PRDX1: variants seen among roughly 807,000 people sequenced by gnomAD.
PRDX1 encodes the protein peroxiredoxin-1.
PRDX1 carries 19 observed loss-of-function variants against 20.7 expected under a neutral mutation model. The ratio of observed to expected loss-of-function variants is 0.92; its 90% CI spans 0.64 to 1.35. The LOEUF is 1.35. Ranked by LOEUF, PRDX1 falls within the 40% of genes most tolerant of loss-of-function variation. The pLI, the probability that PRDX1 is intolerant of heterozygous loss-of-function variation, is 0.00. For missense variants in PRDX1, 226 were observed against 240.0 expected (o/e 0.94, Z 0.38); for synonymous variants, 89 against 83.9 (o/e 1.06, Z -0.33).
chr1:45,515,125 A>C, intron 3 of PRDX1, 130 bp from the exon 4 acceptor site: 2 of 1,312,874 alleles, frequency 1.5e-6, no homozygotes, highest in Non-Finnish European at 2.1e-6. Context: ...TTCCAGCAAT[A>C]AAGTGAATGC....
intron 5 of PRDX1, chr1:45,512,629 C>G (rs1036997117): frequency 6.6e-6 from 1 of 151,924 alleles, no homozygotes; most frequent in Admixed American, 6.5e-5. Context: ...CAGAGACCAA[C>G]AGAGTCTGAA....
At chr1:45,517,207 G>A (rs1025128538) in intron 2 of PRDX1, among the ~76,000 whole-genome samples, 1 of 152,044 alleles carries the variant, frequency 6.6e-6, no homozygotes, top group Non-Finnish European at 1.5e-5. Context: ...ATACCCCTGG[G>A]CCCAGGTCAC....
intron 2 of PRDX1, among the ~76,000 whole-genome samples, chr1:45,517,921 G>T (rs1027507808): frequency 3.5e-5 from 5 of 141,722 alleles, no homozygotes; most frequent in Non-Finnish European, 6.2e-5. Flanking sequence ...TGATATATAC[G>T]TGACCCAAAC....
intron 2 of PRDX1, 88 bp from the exon 3 acceptor site, chr1:45,515,895 C>A: frequency 7.7e-7 from 1 of 1,303,534 alleles, no homozygotes; most frequent in Non-Finnish European, 1.0e-6. Context: ...AAGTTGATGG[C>A]TGACACAATA....
chr1:45,511,378 A>C lies in PRDX1; in HGVS notation c.551T>G (p.Ile184Ser). The change falls in exon 6 of 6, where the codon ATC becomes AGC. Residue 184 changes from isoleucine to serine, a missense_variant. Ile to Ser is a moderately radical substitution (Grantham distance 142). Transcript: ENST00000319248. ...TTTGCTCTTTTGGACATCAGGCTTGATGGTATCACTGCCAGGTTTCCAGCC... is the reference window on the plus strand; with the variant it reads ...TTTGCTCTTTTGGACATCAGGCTTGCTGGTATCACTGCCAGGTTTCCAGCC... ...PAGWKPGSDT[I>S]KPDVQKSKEY... 1.9e-6 allele frequency: 3 copies of C among 1,613,260 alleles called. No homozygotes were observed. The highest frequency in any genetic ancestry group is 1.1e-5 in the South Asian group (1 of 90,880).
chr1:45,517,353 C>A (rs1643870609), intron 2 of PRDX1, among the ~76,000 whole-genome samples: 1 of 152,188 alleles, frequency 6.6e-6, no homozygotes, highest in South Asian at 2.1e-4. Context: ...GAAAAGGACA[C>A]TTGACACCTG....
chr1:45,513,554 A>G (rs914020787), intron 5 of PRDX1, among the ~76,000 whole-genome samples: 8 of 152,156 alleles, frequency 5.3e-5, no homozygotes, highest in Non-Finnish European at 8.8e-5. Context: ...TCTGTGTAGA[A>G]AGAAGTAGAC....
intron 5 of PRDX1, among the ~76,000 whole-genome samples, chr1:45,514,068 CA>C (rs1643809822): frequency 6.6e-6 from 1 of 152,190 alleles, no homozygotes; most frequent in South Asian, 2.1e-4. Context: ...TCTACTGAGA[CA>C]GGGGAAAACC....
chr1:45,522,118 C>G (rs924197476), upstream of PRDX1, among the ~76,000 whole-genome samples: 1 of 152,184 alleles, frequency 6.6e-6, no homozygotes, highest in African/African-American at 2.4e-5. Flanking sequence ...TGTGGCCGCT[C>G]CCGAACCCGA....
intron 3 of PRDX1, 56 bp from the exon 4 acceptor site, chr1:45,515,051 A>T (rs989799900): frequency 6.3e-7 from 1 of 1,591,730 alleles, no homozygotes; most frequent in Non-Finnish European, 8.6e-7. Flanking sequence ...GACTGTACGC[A>T]TTCCTCTTTC....
At chr1:45,517,644 T>C (rs1455051096) in intron 2 of PRDX1, among the ~76,000 whole-genome samples, 1 of 152,036 alleles carries the variant, frequency 6.6e-6, no homozygotes, top group African/African-American at 2.4e-5. Context: ...TAGCCAAGCA[T>C]GGTTGCGGGC....
intron 4 of PRDX1, 75 bp from the exon 5 acceptor site, chr1:45,514,712 T>C: frequency 6.3e-7 from 1 of 1,593,430 alleles, no homozygotes; most frequent in Non-Finnish European, 8.6e-7. Context: ...GCTTGAAGCC[T>C]GAAGGAAATG....
At position 45,514,537 on chromosome 1, in the gene PRDX1, C is replaced by A. The variant is rs745633010; in HGVS notation, c.484G>T (p.Ala162Ser). ...CCATGTTTGTCAGTGAACTGGAAGG[C>A]CTGAACTAGTCTCAAAGTCTCATCC... ...SVDETLRLVQ[A>S]FQFTDKHGEV... Residue 162 changes from alanine to serine, a missense_variant, in exon 5 of 6, where the codon GCC (alanine) becomes TCC (serine). Coordinates refer to ENST00000319248, the MANE Select transcript of PRDX1 (RefSeq NM_181697.3). 1 of 1,614,006 alleles carries A rather than the reference C, an allele frequency of 6.2e-7. No individual in the cohort carries two copies. Among genetic ancestry groups the A allele is most frequent in the East Asian group, 2.2e-5 (1 of 44,904 alleles).
intron 2 of PRDX1, among the ~76,000 whole-genome samples, chr1:45,516,391 A>T (rs1352193943): frequency 3.3e-5 from 5 of 152,310 alleles, no homozygotes; most frequent in Admixed American, 2.6e-4. Flanking sequence ...TGGGAGGCTG[A>T]GGTGGGAGGA....
At chr1:45,517,609 G>T in intron 2 of PRDX1, among the ~76,000 whole-genome samples, 1 of 151,960 alleles carries the variant, frequency 6.6e-6, no homozygotes, top group East Asian at 1.9e-4. Flanking sequence ...GTGAAACCCC[G>T]TCTCTACTAA....
In PRDX1 at chr1:45,514,571, G is replaced by C; in HGVS notation, c.450C>G (p.Gly150=). 1.2e-6 allele frequency: 2 copies of C among 1,613,772 alleles called. No individual in the cohort carries two copies. Among genetic ancestry groups the C allele is most frequent in the Non-Finnish European group, 8.5e-7 (1 of 1,179,708 alleles). ...GTCTCAAAGTCTCATCCACAGAGCGGCCAACAGGGAGGTCATTTACAGTGA... is the reference window on the plus strand; with the variant it reads ...GTCTCAAAGTCTCATCCACAGAGCGCCCAACAGGGAGGTCATTTACAGTGA... ...RQITVNDLPV[G]RSVDETLRLV... is the part of the protein sequence containing the mutation. The change falls in exon 5 of 6, where the codon GGC becomes GGG. Residue 150 remains glycine (G), a synonymous_variant. Transcript: ENST00000319248.
intron 1 of PRDX1, 93 bp downstream of exon 1, chr1:45,521,734 AGC>A (rs1233960795): frequency 2.0e-5 from 3 of 152,556 alleles, no homozygotes; most frequent in African/African-American, 7.3e-5. Context: ...CCCCCACCCG[AGC>A]GCGGGCGGGC....
rs79179471 is a variant in PRDX1, at chr1:45,521,174, G to T, written c.-12+655C>A. Among the ~76,000 whole-genome samples the T allele has an allele frequency of 5.7e-4, 86 of 152,210 alleles. No homozygotes were observed. The East Asian group carries it at 0.013, about 23-fold the overall frequency. ...CAAGTACAAAACCCAACCAATTCGG[G>T]GTAAAGGCTGCTGGGATTCAGGCCG... On this transcript the variant is annotated intron_variant, in intron 1 of 5. Coordinates refer to ENST00000319248, the MANE Select transcript of PRDX1 (RefSeq NM_181697.3).
intron 3 of PRDX1, 50 bp from the exon 4 acceptor site, chr1:45,515,045 G>A (rs1037715159): frequency 4.4e-6 from 7 of 1,598,376 alleles, no homozygotes; most frequent in African/African-American, 4.0e-5. Flanking sequence ...TGACTTGACT[G>A]TACGCATTCC....
Sources: gnomAD v4.1 joint callset for allele counts (sites outside exome capture counted in the v4.1 genomes callset) on GRCh38, gnomAD v4.1.1 for gene constraint, MANE v1.5 for transcripts, NCBI Gene and HGNC (gene_info 2026-07-23, HGNC 2026-07-21) for gene names.